WWOX: variants seen among roughly 807,000 people sequenced by gnomAD.
WWOX encodes WW domain containing oxidoreductase.
WWOX carries 69 observed loss-of-function variants against 46.2 expected under a neutral mutation model. The ratio of observed to expected loss-of-function variants is 1.49; its 90% CI spans 1.23 to 1.82. The LOEUF is 1.82. WWOX is among the 40% of genes most tolerant of loss of function. The probability of loss-of-function intolerance (pLI) is 0.00; values close to 1 mark genes in which losing one functional copy is unlikely to be tolerated. For synonymous variants in WWOX, 359 were observed against 202.6 expected, an observed-to-expected ratio of 1.77 and a Z score of -6.56; for missense variants, 919 against 542.6, an observed-to-expected ratio of 1.69 and a Z score of -6.89.
At chr16:79,094,895 A>C (rs1018239041) in intron 8 of WWOX, among the ~76,000 whole-genome samples, 4 of 152,188 alleles carry the variant, frequency 2.6e-5, no homozygotes, top group African/African-American at 9.7e-5. Flanking sequence ...AGCCCAAACC[A>C]GATCAGCGTC....
chr16:78,393,921 C>A (rs1035432668), intron 6 of WWOX, among the ~76,000 whole-genome samples: 1 of 151,920 alleles, frequency 6.6e-6, no homozygotes, highest in Admixed American at 6.6e-5. Flanking sequence ...GAAAAAAAAT[C>A]TTTAACAAGT....
chr16:78,568,710 A>C (rs534300952), intron 8 of WWOX, among the ~76,000 whole-genome samples: 2 of 152,150 alleles, frequency 1.3e-5, no homozygotes, highest in African/African-American at 4.8e-5. Context: ...CCTGACCTTG[A>C]GTGATCTACC....
At position 78,322,470 on chromosome 16, in the gene WWOX, C is replaced by T. The variant is rs958057599; in HGVS notation, c.517-64390C>T. ...TTCACGCTTGTGCCTTTTTAAACTT[C>T]TCAACAACCCAGTGAGATAGATGTT... On this transcript the variant is annotated intron_variant, in intron 5 of 8. Coordinates refer to ENST00000566780, the MANE Select transcript of WWOX (RefSeq NM_016373.4). 7.9e-5 allele frequency among the ~76,000 whole-genome samples: 12 copies of T among 152,330 alleles called. No individual in the cohort carries two copies. In the South Asian group the frequency reaches 1.2e-3, roughly 16 times the overall value.
At chr16:79,089,141 G>T (rs913736367) in intron 8 of WWOX, among the ~76,000 whole-genome samples, 9 of 152,118 alleles carry the variant, frequency 5.9e-5, no homozygotes, top group African/African-American at 2.2e-4. Context: ...CGCATATGGT[G>T]GGCACAGGGC....
chr16:78,749,456 A>C (rs537057575), intron 8 of WWOX, among the ~76,000 whole-genome samples: 1 of 152,292 alleles, frequency 6.6e-6, no homozygotes, highest in East Asian at 1.9e-4. Context: ...AGTCAAACTG[A>C]GGTTTTGGGT....
intron 8 of WWOX, among the ~76,000 whole-genome samples, chr16:78,795,639 C>T (rs899965684): frequency 5.3e-5 from 8 of 152,192 alleles, no homozygotes; most frequent in Admixed American, 3.9e-4. Context: ...ATGTATAATT[C>T]TGGCTTTTGA....
chr16:79,181,960 C>G (rs1261023458), intron 8 of WWOX, among the ~76,000 whole-genome samples: 1 of 152,192 alleles, frequency 6.6e-6, no homozygotes, highest in African/African-American at 2.4e-5. Flanking sequence ...TTTATCCAGC[C>G]TCACCACAGC....
chr16:79,041,387 A>G (rs2047968016), intron 8 of WWOX, among the ~76,000 whole-genome samples: 1 of 152,056 alleles, frequency 6.6e-6, no homozygotes, highest in African/African-American at 2.4e-5. Context: ...TCCCTGATAT[A>G]AGGATTCCAC....
chr16:79,116,508 A>G (rs1184443318), intron 8 of WWOX, among the ~76,000 whole-genome samples: 1 of 152,220 alleles, frequency 6.6e-6, no homozygotes, highest in African/African-American at 2.4e-5. Context: ...TTCCATTGCA[A>G]GAAATCACTT....
At chr16:78,363,778 C>T (rs183463224) in intron 5 of WWOX, among the ~76,000 whole-genome samples, 1 of 152,242 alleles carries the variant, frequency 6.6e-6, no homozygotes, top group Admixed American at 6.5e-5. Flanking sequence ...GAGCTCAAAC[C>T]CCTCCAGCTT....
intron 5 of WWOX, among the ~76,000 whole-genome samples, chr16:78,280,178 T>G (rs2079651130): frequency 6.6e-6 from 1 of 152,232 alleles, no homozygotes; most frequent in Admixed American, 6.5e-5. Context: ...CAGGTACAGT[T>G]TTTTAAAACC....
At chr16:78,490,665 C>G (rs1318487941) in intron 8 of WWOX, among the ~76,000 whole-genome samples, 5 of 152,152 alleles carry the variant, frequency 3.3e-5, no homozygotes. Context: ...GGAAAGCACC[C>G]ACGTGAATGT....
intron 5 of WWOX, among the ~76,000 whole-genome samples, chr16:78,345,072 G>C (rs2081071555): frequency 8.4e-6 from 1 of 119,022 alleles, no homozygotes; most frequent in African/African-American, 2.9e-5. Flanking sequence ...GTACCTAGGA[G>C]ATTGTCCTGG....
At chr16:78,567,784 C>T (rs993212465) in intron 8 of WWOX, among the ~76,000 whole-genome samples, 5 of 151,904 alleles carry the variant, frequency 3.3e-5, no homozygotes, top group Admixed American at 1.3e-4. Context: ...GCAACTGGGC[C>T]ACCAAACCAG....
intron 8 of WWOX, among the ~76,000 whole-genome samples, chr16:78,988,844 A>G (rs1006245267): frequency 6.6e-6 from 1 of 152,144 alleles, no homozygotes; most frequent in Admixed American, 6.5e-5. Flanking sequence ...TGGGGCCAGC[A>G]TGTTGCTGCG....
intron 8 of WWOX, among the ~76,000 whole-genome samples, chr16:79,093,347 A>G (rs781704218): frequency 1.3e-5 from 2 of 152,182 alleles, no homozygotes; most frequent in African/African-American, 2.4e-5. Flanking sequence ...TTGTTTATTT[A>G]AATTTTCTCA....
intron 5 of WWOX, among the ~76,000 whole-genome samples, chr16:78,252,909 T>C (rs984037244): frequency 1.3e-5 from 2 of 152,204 alleles, no homozygotes; most frequent in African/African-American, 4.8e-5. Context: ...ACAACACAGA[T>C]TGCAAAATTA....
chr16:78,472,890 G>A (rs2084260681), intron 8 of WWOX, among the ~76,000 whole-genome samples: 1 of 151,834 alleles, frequency 6.6e-6, no homozygotes, highest in African/African-American at 2.4e-5. Flanking sequence ...ATCAAGATGG[G>A]ATTACTGCGC....
chr16:78,449,513 G>T (rs531672692), intron 8 of WWOX, among the ~76,000 whole-genome samples: 1 of 152,278 alleles, frequency 6.6e-6, no homozygotes, highest in African/African-American at 2.4e-5. Flanking sequence ...TTTACTCACA[G>T]GACTTGATGA....
Sources: allele counts gnomAD v4.1 joint callset (sites outside exome capture counted in the v4.1 genomes callset), GRCh38; gene constraint gnomAD v4.1.1; transcripts MANE v1.5; gene names NCBI Gene and HGNC (gene_info 2026-07-23, HGNC 2026-07-21).